The following BICD1 variants were observed in gnomAD, a reference collection of about 807,000 sequenced individuals.
The protein encoded by BICD1 is BICD cargo adaptor 1.
BICD1 carries 35 observed loss-of-function variants against 92.5 expected under a neutral mutation model. That is an observed-to-expected ratio of 0.38 (90% CI 0.29 to 0.50). The LOEUF is 0.50. Ranked by LOEUF, BICD1 falls within the 20% of genes least tolerant of loss-of-function variation. The pLI, the probability that BICD1 is intolerant of heterozygous loss-of-function variation, is 0.93. For synonymous variants in BICD1, 429 were observed against 465.1 expected (o/e 0.92, Z 1.00); for missense variants, 950 against 1,189.8 (o/e 0.80, Z 2.97).
intron 1 of BICD1, among the ~76,000 whole-genome samples, chr12:32,207,466 G>A (rs931242703): frequency 2.0e-5 from 3 of 152,138 alleles, no homozygotes; most frequent in Admixed American, 6.5e-5. Flanking sequence ...AATGATACTC[G>A]GTAGGCATGT....
rs191391126 is a variant in BICD1, at chr12:32,162,847, G to A, written c.214-53400G>A. Among the ~76,000 whole-genome samples the A allele has an allele frequency of 4.4e-3, 677 of 152,180 alleles. 5 individuals carry two copies. The highest frequency in any genetic ancestry group is 0.015 in the African/African-American group (621 of 41,534). The stretch of plus-strand genomic sequence containing the variant: ...AAACAAACAAAAAAATTAGCCAGGC[G>A]TAGTGATATGTGCCTGTGGTCCCAG... On this transcript the variant is annotated intron_variant, in intron 1 of 9. Coordinates refer to ENST00000652176, the MANE Select transcript of BICD1 (RefSeq NM_001714.4).
chr12:32,192,430 T>TTAAA (rs369679034), intron 1 of BICD1, among the ~76,000 whole-genome samples: 34,347 of 138,532 alleles, frequency 0.25, 4,286 homozygotes, highest in East Asian at 0.33. Context: ...CGAGACTCTG[T>TTAAA]TAAATAAATA....
At chr12:32,160,406 A>C (rs1291263034) in intron 1 of BICD1, among the ~76,000 whole-genome samples, 1 of 152,194 alleles carries the variant, frequency 6.6e-6, no homozygotes, top group African/African-American at 2.4e-5. Flanking sequence ...ATTCTATTGT[A>C]TACTTTAGAA....
intron 4 of BICD1, among the ~76,000 whole-genome samples, chr12:32,321,050 G>A (rs987311042): frequency 6.6e-6 from 1 of 152,142 alleles, no homozygotes; most frequent in Non-Finnish European, 1.5e-5. Flanking sequence ...TTTAGGCCAG[G>A]TACAGTGGCT....
chr12:32,230,490 T>G (rs1945850907), intron 2 of BICD1, among the ~76,000 whole-genome samples: 1 of 151,918 alleles, frequency 6.6e-6, no homozygotes, highest in Non-Finnish European at 1.5e-5. Context: ...AGATCATCTG[T>G]GTGGGTATTG....
chr12:32,246,494 C>G (rs2136094705), intron 2 of BICD1, among the ~76,000 whole-genome samples: 1 of 151,962 alleles, frequency 6.6e-6, no homozygotes, highest in East Asian at 1.9e-4. Context: ...AAAAATTAGC[C>G]AGACATGGTG....
At chr12:32,260,220 C>G (rs1386681830) in intron 2 of BICD1, among the ~76,000 whole-genome samples, 1 of 152,204 alleles carries the variant, frequency 6.6e-6, no homozygotes, top group African/African-American at 2.4e-5. Flanking sequence ...CCACCACGCC[C>G]AGCCTCACTT....
chr12:32,239,246 CAAAAAAA>C (rs528710775), intron 2 of BICD1, among the ~76,000 whole-genome samples: 1 of 99,286 alleles, frequency 1.0e-5, no homozygotes, highest in Non-Finnish European at 2.1e-5. Context: ...GACTCCGTCT[CAAAAAAA>C]AAAAAAAAAA....
chr12:32,345,831 T>C (rs1376948665), intron 8 of BICD1, among the ~76,000 whole-genome samples: 2 of 152,190 alleles, frequency 1.3e-5, no homozygotes, highest in African/African-American at 4.8e-5. Context: ...TTAAATTCTC[T>C]AGTAGTCTAG....
At chr12:32,188,012 C>T (rs1228988521) in intron 1 of BICD1, among the ~76,000 whole-genome samples, 2 of 151,860 alleles carry the variant, frequency 1.3e-5, no homozygotes, top group African/African-American at 4.8e-5. Flanking sequence ...GATCTCGGCT[C>T]ACTGCAACCT....
At chr12:32,284,079 T>G (rs1413789705) in intron 2 of BICD1, among the ~76,000 whole-genome samples, 5 of 152,190 alleles carry the variant, frequency 3.3e-5, no homozygotes, top group Non-Finnish European at 5.9e-5. Flanking sequence ...GAAATCCCTG[T>G]GGGGTGGGGG....
At chr12:32,198,889 A>G (rs1391192904) in intron 1 of BICD1, among the ~76,000 whole-genome samples, 1 of 152,104 alleles carries the variant, frequency 6.6e-6, no homozygotes, top group African/African-American at 2.4e-5. Flanking sequence ...TTAATTTTCC[A>G]TGACATTTTT....
chr12:32,376,867 A>G (rs1939990065), intron 9 of BICD1, among the ~76,000 whole-genome samples: 1 of 56,336 alleles, frequency 1.8e-5, no homozygotes, highest in Non-Finnish European at 3.0e-5. Flanking sequence ...GACTCCATCT[A>G]AAAAAAAAAG....
intron 6 of BICD1, among the ~76,000 whole-genome samples, chr12:32,336,354 G>C (rs183952088): frequency 6.6e-6 from 1 of 152,100 alleles, no homozygotes; most frequent in Non-Finnish European, 1.5e-5. Flanking sequence ...TTTCTTCTTC[G>C]GCACAAGTAT....
At chr12:32,254,434 T>C (rs1171416510) in intron 2 of BICD1, among the ~76,000 whole-genome samples, 3 of 152,254 alleles carry the variant, frequency 2.0e-5, no homozygotes, top group African/African-American at 7.2e-5. Context: ...CTAGCATTTG[T>C]AGGTGCTCAG....
intron 9 of BICD1, among the ~76,000 whole-genome samples, chr12:32,371,808 G>T (rs1316952672): frequency 6.6e-6 from 1 of 152,074 alleles, no homozygotes. Context: ...GGCTGCCCTT[G>T]AACTCCTGAC....
intron 8 of BICD1, among the ~76,000 whole-genome samples, chr12:32,356,864 G>A (rs1203447170): frequency 6.6e-6 from 1 of 152,108 alleles, no homozygotes; most frequent in Non-Finnish European, 1.5e-5. Context: ...ACAGTATATG[G>A]ACATTTATAT....
chr12:32,183,434 T>C (rs1944338470), intron 1 of BICD1, among the ~76,000 whole-genome samples: 1 of 151,938 alleles, frequency 6.6e-6, no homozygotes, highest in Non-Finnish European at 1.5e-5. Flanking sequence ...GCCCAGCTAA[T>C]TTTTGTATTT....
intron 1 of BICD1, among the ~76,000 whole-genome samples, chr12:32,181,749 T>C (rs1378673316): frequency 6.6e-6 from 1 of 152,004 alleles, no homozygotes; most frequent in Non-Finnish European, 1.5e-5. Context: ...TTGCTTATAA[T>C]TGGAATTTGC....
Sources: allele counts gnomAD v4.1 joint callset (sites outside exome capture counted in the v4.1 genomes callset), GRCh38; gene constraint gnomAD v4.1.1; transcripts MANE v1.5; gene names NCBI Gene and HGNC (gene_info 2026-07-23, HGNC 2026-07-21).